Variants in SNTG1 observed in about 807,000 individuals in gnomAD.
The protein encoded by SNTG1 is gamma-1-syntrophin.
In SNTG1, 39 loss-of-function variants were observed where a neutral mutation model predicts 74.7. The observed-to-expected ratio is 0.52, with a 90% CI of 0.40 to 0.68. The LOEUF is 0.68. SNTG1 is among the 30% of genes least tolerant of loss of function. SNTG1 has a pLI of 0.00. For missense variants in SNTG1, 685 were observed against 609.5 expected (o/e 1.12, Z -1.30); for synonymous variants, 254 against 217.1 (o/e 1.17, Z -1.49).
intron 4 of SNTG1, among the ~76,000 whole-genome samples, chr8:50,404,202 GGAACATATTTAACAAAA>G (rs1478976942): frequency 1.1e-4 from 17 of 151,876 alleles, no homozygotes; most frequent in African/African-American, 3.6e-4. Context: ...AATACACTCA[GGAACATATTTAACAAAA>G]GATGTATATG....
At chr8:49,942,989 T>A (rs1808836542) in intron 1 of SNTG1, among the ~76,000 whole-genome samples, 1 of 152,226 alleles carries the variant, frequency 6.6e-6, no homozygotes, top group Non-Finnish European at 1.5e-5. Flanking sequence ...GCAATTTCTC[T>A]TCATAAGAGA....
At chr8:49,938,287 C>T (rs759546779) in intron 1 of SNTG1, among the ~76,000 whole-genome samples, 1 of 152,182 alleles carries the variant, frequency 6.6e-6, no homozygotes, top group Non-Finnish European at 1.5e-5. Flanking sequence ...ATAACAGGAT[C>T]AGCTCAGTGT....
chr8:49,912,277 T>C (rs1289195900), intron 1 of SNTG1, 46 bp downstream of exon 1: 1 of 152,248 alleles, frequency 6.6e-6, no homozygotes, highest in Non-Finnish European at 1.5e-5. Flanking sequence ...TTCTAATGAC[T>C]TGTCTTATGG....
chr8:50,364,766 C>T (rs181216817), intron 2 of SNTG1, among the ~76,000 whole-genome samples: 2 of 152,090 alleles, frequency 1.3e-5, no homozygotes, highest in East Asian at 3.9e-4. Flanking sequence ...ATATTTTACT[C>T]AGCATTTTTA....
chr8:50,779,535 AT>A (rs1262143451), intron 18 of SNTG1, among the ~76,000 whole-genome samples: 1 of 152,026 alleles, frequency 6.6e-6, no homozygotes, highest in Non-Finnish European at 1.5e-5. Flanking sequence ...AATGCTTGTG[AT>A]TTTTGTACAT....
At chr8:50,618,388 C>T (rs2094898942) in intron 13 of SNTG1, among the ~76,000 whole-genome samples, 1 of 152,138 alleles carries the variant, frequency 6.6e-6, no homozygotes. Flanking sequence ...TATCTACATA[C>T]TATTCACATT....
At chr8:50,639,761 C>T (rs915869038) in intron 13 of SNTG1, among the ~76,000 whole-genome samples, 1 of 151,948 alleles carries the variant, frequency 6.6e-6, no homozygotes, top group Non-Finnish European at 1.5e-5. Flanking sequence ...AATTAACAAG[C>T]CTTACCTTTT....
chr8:50,652,114 G>A (rs1294424627), intron 13 of SNTG1, among the ~76,000 whole-genome samples: 2 of 152,060 alleles, frequency 1.3e-5, no homozygotes, highest in African/African-American at 4.8e-5. Flanking sequence ...AAATCTTTTG[G>A]AGGGGGATAT....
intron 15 of SNTG1, among the ~76,000 whole-genome samples, chr8:50,667,486 C>A (rs1217156899): frequency 6.6e-6 from 1 of 151,960 alleles, no homozygotes; most frequent in Admixed American, 6.6e-5. Flanking sequence ...TGTCATAACA[C>A]AGAGGGAAGC....
chr8:50,778,504 T>C (rs1279129033), intron 18 of SNTG1, among the ~76,000 whole-genome samples: 1 of 152,072 alleles, frequency 6.6e-6, no homozygotes, highest in Non-Finnish European at 1.5e-5. Flanking sequence ...ATGTCTTCTT[T>C]TGAGAAGTGT....
At chr8:50,267,027 A>G (rs1447698479) in intron 2 of SNTG1, among the ~76,000 whole-genome samples, 2 of 152,012 alleles carry the variant, frequency 1.3e-5, no homozygotes, top group African/African-American at 4.8e-5. Flanking sequence ...AAAGATTTTC[A>G]TTCTGCTATC....
At chr8:50,208,403 C>G (rs1288047984) in intron 2 of SNTG1, among the ~76,000 whole-genome samples, 1 of 151,456 alleles carries the variant, frequency 6.6e-6, no homozygotes, top group Non-Finnish European at 1.5e-5. Flanking sequence ...TTTTGTTTTC[C>G]ATTTGCTGGG....
At chr8:50,190,455 G>A (rs1271929218) in intron 2 of SNTG1, among the ~76,000 whole-genome samples, 2 of 152,050 alleles carry the variant, frequency 1.3e-5, no homozygotes, top group East Asian at 3.9e-4. Context: ...ACATCAGTAA[G>A]GTTATGACTT....
At chr8:50,364,724 A>C (rs1428635411) in intron 2 of SNTG1, among the ~76,000 whole-genome samples, 1 of 137,022 alleles carries the variant, frequency 7.3e-6, no homozygotes, top group Non-Finnish European at 1.5e-5. Context: ...GAATTTTCAT[A>C]AAAAATATTT....
intron 4 of SNTG1, among the ~76,000 whole-genome samples, chr8:50,419,402 A>G (rs1447234148): frequency 6.6e-6 from 1 of 152,172 alleles, no homozygotes; most frequent in Non-Finnish European, 1.5e-5. Context: ...TAGGGAAATC[A>G]TAAATGGGAA....
chr8:50,724,090 T>C (rs1254793809), intron 17 of SNTG1, among the ~76,000 whole-genome samples: 1 of 152,212 alleles, frequency 6.6e-6, no homozygotes, highest in Non-Finnish European at 1.5e-5. Flanking sequence ...TAAATTCATG[T>C]TTACTTTATC....
In SNTG1 at chr8:50,402,160, A is replaced by G. The variant is rs371028031; in HGVS notation, c.28-50A>G. On this transcript the variant is annotated intron_variant, in intron 3 of 18. Coordinates refer to ENST00000642720, the MANE Select transcript of SNTG1 (RefSeq NM_018967.5). ...TAAACTGGCCACAAAATTACAACCT[A>G]TAAACTAAGTATAATTTTTCCTCTG... 12 of 1,565,786 alleles carry G rather than the reference A, an allele frequency of 7.7e-6. No individual in the cohort carries two copies. The African/African-American group carries it at 1.5e-4, about 20-fold the overall frequency.
intron 12 of SNTG1, among the ~76,000 whole-genome samples, chr8:50,560,526 T>C (rs1339572427): frequency 1.3e-5 from 2 of 152,216 alleles, no homozygotes; most frequent in Non-Finnish European, 1.5e-5. Flanking sequence ...CACCATGGAA[T>C]GCTATACAGT....
chr8:50,350,812 A>G (rs527825819), intron 2 of SNTG1, among the ~76,000 whole-genome samples: 1 of 152,184 alleles, frequency 6.6e-6, no homozygotes, highest in African/African-American at 2.4e-5. Context: ...AAACGCACCA[A>G]TCAGCACCCT....
Sources: gnomAD v4.1 joint callset for allele counts (sites outside exome capture counted in the v4.1 genomes callset) on GRCh38, gnomAD v4.1.1 for gene constraint, MANE v1.5 for transcripts, NCBI Gene and HGNC (gene_info 2026-07-23, HGNC 2026-07-21) for gene names.